Variants in BMPER observed in about 807,000 individuals in gnomAD.
BMPER encodes BMP-binding endothelial regulator protein.
In BMPER, 45 loss-of-function variants were observed where a neutral mutation model predicts 87.3. The ratio of observed to expected loss-of-function variants is 0.52; its 90% CI spans 0.41 to 0.66. The LOEUF is 0.66. Among genes scored for constraint, BMPER ranks in the 30% least tolerant of loss-of-function variants. BMPER has a pLI of 0.00. For synonymous variants in BMPER, 326 were observed against 316.2 expected, an observed-to-expected ratio of 1.03 and a Z score of -0.33; for missense variants, 784 against 867.5, an observed-to-expected ratio of 0.90 and a Z score of 1.21.
intron 6 of BMPER, among the ~76,000 whole-genome samples, chr7:34,035,056 A>G (rs1787627953): frequency 6.6e-6 from 1 of 152,178 alleles, no homozygotes; most frequent in Admixed American, 6.5e-5. Flanking sequence ...GATAGTCCCA[A>G]GAGCTTGCCA....
intron 7 of BMPER, among the ~76,000 whole-genome samples, chr7:34,047,521 C>T (rs1259714417): frequency 7.9e-5 from 12 of 152,056 alleles, no homozygotes; most frequent in Admixed American, 6.6e-5. Flanking sequence ...TTGTGATCCA[C>T]CCACCTCAGC....
Position 34,051,872 on chromosome 7 carries a change from GTGTT to G in BMPER, c.691_694del (p.Phe231ThrfsTer94). 1.2e-6 allele frequency: 2 copies of G among 1,613,354 alleles called. No individual in the cohort carries two copies. The highest frequency in any genetic ancestry group is 1.7e-6 in the Non-Finnish European group (2 of 1,179,272). ...CTGTTTCTCTCTAGGTCAGAGGAAAGTGTTTGACCTCCCTTTTGGGAGCTGCCTC... is the reference window on the plus strand; with the variant it reads ...CTGTTTCTCTCTAGGTCAGAGGAAAGTGACCTCCCTTTTGGGAGCTGCCTC... On this transcript the variant is annotated frameshift_variant, in exon 8 of 15. Coordinates refer to ENST00000649409, the MANE Select transcript of BMPER (RefSeq NM_001365308.1). LOFTEE classifies it high-confidence loss of function.
At chr7:34,020,401 G>A (rs1345460685) in intron 6 of BMPER, among the ~76,000 whole-genome samples, 1 of 151,966 alleles carries the variant, frequency 6.6e-6, no homozygotes, top group Non-Finnish European at 1.5e-5. Context: ...TCTTCAACCT[G>A]TTTCACATCC....
Position 33,991,985 on chromosome 7 carries a change from T to A in BMPER, c.576+17201T>A, listed in dbSNP as rs1401572026. ...GATTGCACTGTGGTCTGAGAGATAG[T>A]TTGTTATAATTTCTGTTCTTTTACA... is the stretch of plus-strand genomic sequence containing the variant. On this transcript the variant is annotated intron_variant, in intron 6 of 14. Coordinates refer to ENST00000649409, the MANE Select transcript of BMPER (RefSeq NM_001365308.1). 1.2e-3 allele frequency among the ~76,000 whole-genome samples: 180 copies of A among 146,852 alleles called. 1 individual carries two copies. Among genetic ancestry groups the A allele is most frequent in the African/African-American group, 4.4e-3 (177 of 39,846 alleles).
chr7:34,000,459 T>C (rs1360887053), intron 6 of BMPER, among the ~76,000 whole-genome samples: 2 of 152,090 alleles, frequency 1.3e-5, no homozygotes, highest in Non-Finnish European at 2.9e-5. Flanking sequence ...CTAGTGTGTA[T>C]TATGTTGTGG....
chr7:34,102,703 G>A (rs2127983134), intron 13 of BMPER, among the ~76,000 whole-genome samples: 1 of 152,288 alleles, frequency 6.6e-6, no homozygotes, highest in South Asian at 2.1e-4. Context: ...CAATATGAGA[G>A]GAGTGACCTC....
chr7:33,934,724 A>T (rs768790989), intron 2 of BMPER, among the ~76,000 whole-genome samples: 1 of 152,188 alleles, frequency 6.6e-6, no homozygotes, highest in Non-Finnish European at 1.5e-5. Context: ...AGATTGTGCC[A>T]TCACTTTGAC....
intron 13 of BMPER, among the ~76,000 whole-genome samples, chr7:34,124,453 T>G (rs1027462072): frequency 6.6e-5 from 10 of 151,272 alleles, no homozygotes; most frequent in African/African-American, 2.2e-4. Flanking sequence ...TGTAAAGTTT[T>G]TTTTTTTTTT....
intron 13 of BMPER, among the ~76,000 whole-genome samples, chr7:34,138,990 A>G (rs933949973): frequency 6.6e-6 from 1 of 152,248 alleles, no homozygotes; most frequent in Non-Finnish European, 1.5e-5. Context: ...AAGGACAACG[A>G]TCTTCCATAA....
At chr7:34,142,207 AAAG>A (rs1284870546) in intron 13 of BMPER, among the ~76,000 whole-genome samples, 6 of 152,214 alleles carry the variant, frequency 3.9e-5, no homozygotes, top group African/African-American at 1.4e-4. Context: ...AAATTTGCTG[AAAG>A]AAGAAGATGA....
At chr7:34,131,483 G>A (rs998475213) in intron 13 of BMPER, among the ~76,000 whole-genome samples, 4 of 152,190 alleles carry the variant, frequency 2.6e-5, no homozygotes, top group African/African-American at 7.2e-5. Flanking sequence ...ATTAATGCAC[G>A]TAGTGGAGGA....
chr7:34,098,454 G>A (rs2127981855), intron 13 of BMPER, among the ~76,000 whole-genome samples: 1 of 152,296 alleles, frequency 6.6e-6, no homozygotes, highest in African/African-American at 2.4e-5. Context: ...AGATTGTAGG[G>A]AAATATGTGA....
chr7:34,005,364 C>A (rs182039979), intron 6 of BMPER, among the ~76,000 whole-genome samples: 50 of 152,122 alleles, frequency 3.3e-4, no homozygotes, highest in African/African-American at 1.2e-3. Context: ...TATTGAGATT[C>A]TCTTATTTTT....
chr7:34,003,925 G>A (rs1786656242), intron 6 of BMPER, among the ~76,000 whole-genome samples: 1 of 151,914 alleles, frequency 6.6e-6, no homozygotes, highest in South Asian at 2.1e-4. Flanking sequence ...TGAATTTCTT[G>A]GATGTACAGA....
chr7:33,958,447 A>T (rs1451130932), intron 3 of BMPER, among the ~76,000 whole-genome samples: 1 of 152,224 alleles, frequency 6.6e-6, no homozygotes, highest in Non-Finnish European at 1.5e-5. Context: ...TCAAACATAA[A>T]TCCTCAACAT....
chr7:34,115,270 T>G (rs1348568321), intron 13 of BMPER, among the ~76,000 whole-genome samples: 1 of 152,220 alleles, frequency 6.6e-6, no homozygotes, highest in African/African-American at 2.4e-5. Context: ...AGGAGAGAGA[T>G]AACTAATCTC....
At chr7:34,036,296 T>TTTTG (rs964400342) in intron 6 of BMPER, among the ~76,000 whole-genome samples, 1 of 152,208 alleles carries the variant, frequency 6.6e-6, no homozygotes, top group African/African-American at 2.4e-5. Flanking sequence ...TTTCACTTTT[T>TTTTG]TTTGTTTGTT....
intron 13 of BMPER, among the ~76,000 whole-genome samples, chr7:34,110,080 AC>A: frequency 6.6e-6 from 1 of 152,292 alleles, no homozygotes; most frequent in Middle Eastern, 3.4e-3. Context: ...TGAAGCAGCG[AC>A]CTGAATTTGA....
intron 2 of BMPER, among the ~76,000 whole-genome samples, chr7:33,934,558 C>A (rs1457728856): frequency 3.3e-5 from 5 of 151,276 alleles, no homozygotes; most frequent in Non-Finnish European, 7.4e-5. Context: ...ATCTACAAAC[C>A]ATCTGGTTGG....
Sources: allele counts gnomAD v4.1 joint callset (sites outside exome capture counted in the v4.1 genomes callset), GRCh38; gene constraint gnomAD v4.1.1; transcripts MANE v1.5; gene names NCBI Gene and HGNC (gene_info 2026-07-23, HGNC 2026-07-21).